The following CSMD1 variants were observed in gnomAD, a reference collection of about 807,000 sequenced individuals.
CSMD1 encodes CUB and Sushi multiple domains 1.
A neutral mutation model predicts 417.5 loss-of-function variants in CSMD1; 213 were observed. The observed-to-expected ratio is 0.51, with a 90% CI of 0.46 to 0.57. The LOEUF is 0.57. CSMD1 is among the 20% of genes least tolerant of loss of function. CSMD1 has a pLI of 0.00. For synonymous variants in CSMD1, 2,862 were observed against 1,736.8 expected, an observed-to-expected ratio of 1.65 and a Z score of -16.11; for missense variants, 6,923 against 4,529.7, an observed-to-expected ratio of 1.53 and a Z score of -15.17.
chr8:3,389,643 TAATAAGTGAGG>T (rs1460995794), intron 17 of CSMD1, among the ~76,000 whole-genome samples: 4 of 43,590 alleles, frequency 9.2e-5, no homozygotes, highest in Non-Finnish European at 1.3e-4. Flanking sequence ...TTAATGGTTT[TAATAAGTGAGG>T]ATTATATATT....
At chr8:4,017,148 C>T (rs916882370) in intron 4 of CSMD1, among the ~76,000 whole-genome samples, 1 of 152,156 alleles carries the variant, frequency 6.6e-6, no homozygotes, top group African/African-American at 2.4e-5. Context: ...CATATCTACC[C>T]CTGCAATACA....
intron 1 of CSMD1, among the ~76,000 whole-genome samples, chr8:4,890,987 CAT>C (rs74664719): frequency 1.4e-4 from 21 of 152,072 alleles, no homozygotes; most frequent in East Asian, 1.2e-3. Flanking sequence ...AGTAAGAACA[CAT>C]GTTTTCAATC....
chr8:3,035,706 C>G (rs906504770), intron 50 of CSMD1, among the ~76,000 whole-genome samples: 33 of 152,108 alleles, frequency 2.2e-4, no homozygotes, highest in African/African-American at 8.0e-4. Flanking sequence ...CTTTATAAAT[C>G]AATATTTTTA....
At chr8:3,390,865 G>A (rs1207340340) in intron 17 of CSMD1, among the ~76,000 whole-genome samples, 1 of 152,032 alleles carries the variant, frequency 6.6e-6, no homozygotes, top group Non-Finnish European at 1.5e-5. Context: ...CATTTCATAT[G>A]CCGAGCTTAG....
At chr8:3,490,899 C>G (rs1818335566) in intron 11 of CSMD1, among the ~76,000 whole-genome samples, 3 of 151,654 alleles carry the variant, frequency 2.0e-5, no homozygotes, top group Admixed American at 1.3e-4. Flanking sequence ...AGTAATTTGT[C>G]AACAAAAAAG....
chr8:4,510,389 C>T (rs1347174882), intron 2 of CSMD1, among the ~76,000 whole-genome samples: 90 of 10,946 alleles, frequency 8.2e-3, no homozygotes, highest in African/African-American at 0.036. Flanking sequence ...AGCATAATGC[C>T]TAAAAAAAAA....
chr8:3,931,164 C>G (rs1215807757), intron 5 of CSMD1, among the ~76,000 whole-genome samples: 1 of 150,638 alleles, frequency 6.6e-6, no homozygotes, highest in African/African-American at 2.4e-5. Context: ...TCGTCTGCAT[C>G]TTTTAAAGCA....
At chr8:4,689,385 G>A (rs914005579) in intron 1 of CSMD1, among the ~76,000 whole-genome samples, 2 of 151,990 alleles carry the variant, frequency 1.3e-5, no homozygotes, top group South Asian at 4.1e-4. Flanking sequence ...AGTCATATTT[G>A]TCATCTAAAA....
chr8:4,190,977 A>G (rs969911300), intron 3 of CSMD1, among the ~76,000 whole-genome samples: 1 of 151,992 alleles, frequency 6.6e-6, no homozygotes, highest in Non-Finnish European at 1.5e-5. Context: ...AAGGGAGAGG[A>G]TCAGGACAAA....
chr8:4,621,382 TG>T (rs1275626298), intron 2 of CSMD1, among the ~76,000 whole-genome samples: 6 of 152,114 alleles, frequency 3.9e-5, no homozygotes, highest in Non-Finnish European at 8.8e-5. Flanking sequence ...TTGGAACATT[TG>T]GGATTTGGAA....
chr8:4,325,966 T>C (rs545955507), intron 3 of CSMD1, among the ~76,000 whole-genome samples: 5 of 152,238 alleles, frequency 3.3e-5, no homozygotes, highest in Middle Eastern at 3.4e-3. Flanking sequence ...CAGTCTACAG[T>C]AGCACAATTT....
intron 37 of CSMD1, among the ~76,000 whole-genome samples, chr8:3,165,118 T>A (rs1289565543): frequency 6.6e-6 from 1 of 152,056 alleles, no homozygotes; most frequent in Non-Finnish European, 1.5e-5. Flanking sequence ...GAGCACAATA[T>A]TTGAAATGTA....
chr8:3,141,204 G>A (rs1424465079), intron 41 of CSMD1, among the ~76,000 whole-genome samples: 1 of 152,100 alleles, frequency 6.6e-6, no homozygotes, highest in African/African-American at 2.4e-5. Context: ...GAGTACAGGT[G>A]AAGCTTAGGT....
At chr8:3,784,858 C>CA (rs1258981613) in intron 5 of CSMD1, among the ~76,000 whole-genome samples, 1 of 152,182 alleles carries the variant, frequency 6.6e-6, no homozygotes, top group Non-Finnish European at 1.5e-5. Flanking sequence ...GAAATCATCA[C>CA]AATACTGATG....
chr8:4,018,001 T>G (rs1002359325), intron 4 of CSMD1, among the ~76,000 whole-genome samples: 1 of 152,202 alleles, frequency 6.6e-6, no homozygotes, highest in African/African-American at 2.4e-5. Context: ...AATTGCTTCA[T>G]GAGTATGGTT....
intron 5 of CSMD1, among the ~76,000 whole-genome samples, chr8:3,888,990 C>T (rs1396982890): frequency 3.3e-5 from 5 of 151,850 alleles, no homozygotes; most frequent in African/African-American, 9.7e-5. Flanking sequence ...CCTTTATGAC[C>T]AAAAGTACTT....
chr8:4,350,994 C>A (rs534354459), intron 3 of CSMD1, among the ~76,000 whole-genome samples: 3 of 152,242 alleles, frequency 2.0e-5, no homozygotes, highest in African/African-American at 7.2e-5. Context: ...TGCCTCTCTG[C>A]TTAATCGAAA....
chr8:4,227,307 G>C (rs777550175), intron 3 of CSMD1, among the ~76,000 whole-genome samples: 15 of 152,094 alleles, frequency 9.9e-5, no homozygotes, highest in South Asian at 2.1e-4. Context: ...GGGGGCTGTC[G>C]TGGCCTCTCC....
At chr8:4,664,198 T>A (rs1485736135) in intron 1 of CSMD1, among the ~76,000 whole-genome samples, 1 of 152,200 alleles carries the variant, frequency 6.6e-6, no homozygotes, top group African/African-American at 2.4e-5. Flanking sequence ...GGGAGTAGTT[T>A]TCATCTTTGC....
Sources: gnomAD v4.1 joint callset for allele counts (sites outside exome capture counted in the v4.1 genomes callset) on GRCh38, gnomAD v4.1.1 for gene constraint, MANE v1.5 for transcripts, NCBI Gene and HGNC (gene_info 2026-07-23, HGNC 2026-07-21) for gene names.